Variants in RIT2 observed in about 807,000 individuals in gnomAD.
The protein encoded by RIT2 is Ras like without CAAX 2.
A neutral mutation model predicts 23.7 loss-of-function variants in RIT2; 24 were observed. The ratio of observed to expected loss-of-function variants is 1.01; its 90% CI spans 0.73 to 1.43. RIT2 has a LOEUF of 1.43. Ranked by LOEUF, RIT2 falls within the 40% of genes most tolerant of loss-of-function variation. RIT2 has a pLI of 0.00. For missense variants in RIT2, 236 were observed against 266.9 expected (o/e 0.88, Z 0.81); for synonymous variants, 107 against 91.1 (o/e 1.17, Z -0.99).
intron 4 of RIT2, among the ~76,000 whole-genome samples, chr18:42,890,111 A>G (rs752084713): frequency 3.0e-4 from 46 of 152,058 alleles, no homozygotes; most frequent in Non-Finnish European, 6.0e-4. Flanking sequence ...TACCACTGAG[A>G]TGACCTCAGG....
chr18:42,910,690 C>T (rs1482327461), intron 4 of RIT2, among the ~76,000 whole-genome samples: 2 of 152,006 alleles, frequency 1.3e-5, no homozygotes, highest in South Asian at 2.1e-4. Context: ...AGATTGGCTG[C>T]GGGATGAGCA....
At chr18:43,046,909 TAAAC>T (rs1378035248) in intron 1 of RIT2, among the ~76,000 whole-genome samples, 2 of 152,144 alleles carry the variant, frequency 1.3e-5, no homozygotes, top group African/African-American at 2.4e-5. Flanking sequence ...ATAATTCACA[TAAAC>T]AAAGCTCTTC....
rs374453247 is a variant in RIT2 at position 43,091,239 on chromosome 18, C to T, written c.103+24178G>A. Among the ~76,000 whole-genome samples, 10 of 151,640 alleles carry T rather than the reference C, an allele frequency of 6.6e-5. No homozygotes were observed. The East Asian group carries it at 1.7e-3, about 26-fold the overall frequency. ...TTTGATAAAGATATTGGCCTTTGTG[C>T]TGTTATTTAAGACAAAGAAAATAAA... On this transcript the variant is annotated intron_variant, in intron 1 of 4. Coordinates refer to ENST00000326695, the MANE Select transcript of RIT2 (RefSeq NM_002930.4).
Position 42,923,770 on chromosome 18 carries a change from G to GCAAAAAA in RIT2, c.235-8_235-7insTTTTTTG. 1 of 1,433,854 alleles carries GCAAAAAA rather than the reference G, an allele frequency of 7.0e-7. No individual in the cohort carries two copies. The highest frequency in any genetic ancestry group is 9.4e-7 in the Non-Finnish European group (1 of 1,061,678). The allele number at this position is 1,433,854 out of a possible 1,614,324, so 88.8% of individuals were successfully genotyped here. On this transcript the variant is annotated splice_polypyrimidine_tract_variant and splice_region_variant and intron_variant, in intron 3 of 4. Transcript: ENST00000326695. ...GCATGGCTGTGAATTCTGCCTGCAGGAAAAAAAAAAAAAAATTAGTTATGG... is the reference window on the plus strand; with the variant it reads ...GCATGGCTGTGAATTCTGCCTGCAGGCAAAAAAAAAAAAAAAAAAAAATTAGTTATGG...
At chr18:42,997,362 A>T (rs769526868) in intron 2 of RIT2, among the ~76,000 whole-genome samples, 3 of 152,022 alleles carry the variant, frequency 2.0e-5, no homozygotes, top group Non-Finnish European at 4.4e-5. Flanking sequence ...GAAGAAAAGC[A>T]ATGTTGAGAA....
chr18:42,846,531 C>T (rs895368547), intron 4 of RIT2, among the ~76,000 whole-genome samples: 1 of 151,638 alleles, frequency 6.6e-6, no homozygotes, highest in Non-Finnish European at 1.5e-5. Flanking sequence ...AACATAGGTG[C>T]CAAAATCTTA....
chr18:42,924,824 G>T (rs949233700), intron 3 of RIT2, among the ~76,000 whole-genome samples: 1 of 152,074 alleles, frequency 6.6e-6, no homozygotes, highest in Non-Finnish European at 1.5e-5. Flanking sequence ...ATGTCAATTT[G>T]ATTTACGCTA....
At chr18:43,005,157 C>T (rs576090634) in intron 2 of RIT2, among the ~76,000 whole-genome samples, 2 of 151,916 alleles carry the variant, frequency 1.3e-5, no homozygotes, top group African/African-American at 4.8e-5. Context: ...CTAATTCTAT[C>T]TCATCTCCTT....
At chr18:42,767,643 G>T (rs1302290061) in intron 4 of RIT2, among the ~76,000 whole-genome samples, 6 of 152,158 alleles carry the variant, frequency 3.9e-5, no homozygotes, top group Non-Finnish European at 8.8e-5. Flanking sequence ...GCAATGTGAG[G>T]ACATGAGATT....
intron 1 of RIT2, among the ~76,000 whole-genome samples, chr18:43,079,524 T>C (rs535838253): frequency 1.3e-5 from 2 of 152,138 alleles, no homozygotes; most frequent in Non-Finnish European, 2.9e-5. Flanking sequence ...GACTAGTGTA[T>C]TCCCCAAAGA....
chr18:42,787,874 A>G (rs1001300112), intron 4 of RIT2, among the ~76,000 whole-genome samples: 1 of 151,920 alleles, frequency 6.6e-6, no homozygotes, highest in African/African-American at 2.4e-5. Context: ...TTATATGTTA[A>G]TATTATTTAC....
chr18:42,946,623 A>G (rs939460249), intron 3 of RIT2, among the ~76,000 whole-genome samples: 24 of 152,150 alleles, frequency 1.6e-4, no homozygotes, highest in African/African-American at 4.8e-4. Flanking sequence ...AAGAAGTTCT[A>G]TTATCTGAAT....
intron 4 of RIT2, among the ~76,000 whole-genome samples, chr18:42,776,936 G>A (rs589041): frequency 0.67 from 101,302 of 152,002 alleles, 36,770 homozygotes; most frequent in Middle Eastern, 0.84. Flanking sequence ...AGTAGAAGAA[G>A]AAGGAAAACA....
chr18:43,082,979 C>T (rs1913193256), intron 1 of RIT2, among the ~76,000 whole-genome samples: 1 of 152,092 alleles, frequency 6.6e-6, no homozygotes, highest in African/African-American at 2.4e-5. Flanking sequence ...ATTTAGAAAA[C>T]CCTATCGTCT....
At chr18:43,089,719 C>A (rs902954297) in intron 1 of RIT2, among the ~76,000 whole-genome samples, 2 of 151,918 alleles carry the variant, frequency 1.3e-5, no homozygotes, top group Non-Finnish European at 2.9e-5. Context: ...GCATGGAGAA[C>A]CCAGAAATAA....
At chr18:43,114,279 T>A (rs1914017886) in intron 1 of RIT2, among the ~76,000 whole-genome samples, 1 of 152,080 alleles carries the variant, frequency 6.6e-6, no homozygotes, top group African/African-American at 2.4e-5. Flanking sequence ...GGAGAAGAGG[T>A]AGGGGTGCTG....
chr18:42,747,708 G>A (rs921176261), intron 4 of RIT2, among the ~76,000 whole-genome samples: 1 of 151,996 alleles, frequency 6.6e-6, no homozygotes, highest in Admixed American at 6.6e-5. Context: ...AAATGGAATA[G>A]AATAGAGAAC....
intron 1 of RIT2, among the ~76,000 whole-genome samples, chr18:43,048,862 A>T (rs1170975868): frequency 6.6e-6 from 1 of 152,064 alleles, no homozygotes. Flanking sequence ...GATGTTCCTT[A>T]TATTATCATG....
At chr18:42,971,168 C>A (rs1486319794) in intron 3 of RIT2, among the ~76,000 whole-genome samples, 1 of 151,952 alleles carries the variant, frequency 6.6e-6, no homozygotes, top group African/African-American at 2.4e-5. Context: ...TACCAAAAGA[C>A]AACAAGGTGA....
Sources: gnomAD v4.1 joint callset for allele counts (sites outside exome capture counted in the v4.1 genomes callset) on GRCh38, gnomAD v4.1.1 for gene constraint, MANE v1.5 for transcripts, NCBI Gene and HGNC (gene_info 2026-07-23, HGNC 2026-07-21) for gene names.